Variants in SDK1 observed in about 807,000 individuals in gnomAD.
The protein encoded by SDK1 is sidekick cell adhesion molecule 1.
A neutral mutation model predicts 245.5 loss-of-function variants in SDK1; 157 were observed. The observed-to-expected ratio is 0.64, with a 90% CI of 0.56 to 0.73. The LOEUF (loss-of-function observed/expected upper bound fraction) is 0.73. Ranked by LOEUF, SDK1 falls within the 30% of genes least tolerant of loss-of-function variation. The probability of loss-of-function intolerance (pLI) is 0.00; values close to 1 mark genes in which losing one functional copy is unlikely to be tolerated. For missense variants in SDK1, 3,583 were observed against 3,002.3 expected (o/e 1.19, Z -4.52); for synonymous variants, 1,647 against 1,278.5 (o/e 1.29, Z -6.15).
chr7:4,092,349 A>G (rs916605846), intron 22 of SDK1, among the ~76,000 whole-genome samples: 1 of 152,040 alleles, frequency 6.6e-6, no homozygotes, highest in Non-Finnish European at 1.5e-5. Flanking sequence ...CCTGGTTCTC[A>G]TTCCCCAGCC....
intron 4 of SDK1, among the ~76,000 whole-genome samples, chr7:3,701,963 A>G (rs1235763608): frequency 1.3e-5 from 2 of 149,864 alleles, no homozygotes; most frequent in African/African-American, 2.4e-5. Flanking sequence ...GAAAAATTGT[A>G]TCTTGACCTA....
intron 1 of SDK1, among the ~76,000 whole-genome samples, chr7:3,520,018 C>T (rs1405345839): frequency 6.6e-6 from 1 of 152,098 alleles, no homozygotes; most frequent in Non-Finnish European, 1.5e-5. Flanking sequence ...TTTCATTGAG[C>T]ACATTCTGCA....
At chr7:3,954,184 A>G (rs956809778) in intron 7 of SDK1, among the ~76,000 whole-genome samples, 1 of 149,522 alleles carries the variant, frequency 6.7e-6, no homozygotes, top group Admixed American at 6.6e-5. Flanking sequence ...GCTTCCAGGC[A>G]CCACCCCGCC....
At chr7:3,677,280 C>T (rs111519150) in intron 4 of SDK1, among the ~76,000 whole-genome samples, 352 of 152,176 alleles carry the variant, frequency 2.3e-3, no homozygotes, top group African/African-American at 8.2e-3. Flanking sequence ...GCCCTGGATT[C>T]TTCTTTTTTA....
chr7:3,364,206 C>A (rs758630409), intron 1 of SDK1, among the ~76,000 whole-genome samples: 1 of 152,128 alleles, frequency 6.6e-6, no homozygotes, highest in Non-Finnish European at 1.5e-5. Flanking sequence ...GAACATTTGG[C>A]GTACAAATAT....
intron 22 of SDK1, among the ~76,000 whole-genome samples, chr7:4,080,410 G>A (rs1403852878): frequency 6.6e-6 from 1 of 150,764 alleles, no homozygotes; most frequent in African/African-American, 2.4e-5. Context: ...ATTATGAGGA[G>A]TAGTAAAGTT....
chr7:3,959,143 G>C, intron 8 of SDK1, 129 bp downstream of exon 8: 1 of 758,882 alleles, frequency 1.3e-6, no homozygotes, highest in South Asian at 1.5e-5. Flanking sequence ...ACTTCAGAGA[G>C]TAGATCGGTC....
chr7:3,314,415 C>T (rs996148201), intron 1 of SDK1, among the ~76,000 whole-genome samples: 1 of 152,124 alleles, frequency 6.6e-6, no homozygotes, highest in African/African-American at 2.4e-5. Context: ...TGGATCTTGG[C>T]CAGCAGAGAG....
At chr7:3,610,155 A>G (rs192130652) in intron 1 of SDK1, among the ~76,000 whole-genome samples, 1 of 152,320 alleles carries the variant, frequency 6.6e-6, no homozygotes, top group East Asian at 1.9e-4. Flanking sequence ...TTTCTCATGT[A>G]ATTTCTTGAT....
Position 3,814,274 on chromosome 7 carries a change from T to C in SDK1, c.714-7176T>C, listed in dbSNP as rs1024628171. 2.3e-3 allele frequency among the ~76,000 whole-genome samples: 348 copies of C among 150,952 alleles called. 1 individual carries two copies. The East Asian group carries it at 0.046, about 20-fold the overall frequency. ...TAATGTTTAAATCTTTAATCCATCT[T>C]GAATTGATTTTTGTATAAGGTGTAA... On this transcript the variant is annotated intron_variant, in intron 4 of 44. Transcript: ENST00000404826.
At position 4,173,820 on chromosome 7, in the gene SDK1, G is replaced by GT. The variant is rs149155547; in HGVS notation, c.4801-401dup. ...TGGATGGCCAGGGGAGTGAGGGAGGGTGGGGTCAGCTGGTGGGTGCTTCAG... is the reference window on the plus strand; with the variant it reads ...TGGATGGCCAGGGGAGTGAGGGAGGGTTGGGGTCAGCTGGTGGGTGCTTCAG... On this transcript the variant is annotated intron_variant, in intron 32 of 44. Coordinates refer to ENST00000404826, the MANE Select transcript of SDK1 (RefSeq NM_152744.4). 8.7e-3 allele frequency among the ~76,000 whole-genome samples: 1,327 copies of GT among 152,276 alleles called. 18 individuals carry two copies. The highest frequency in any genetic ancestry group is 0.031 in the African/African-American group (1,276 of 41,556).
intron 2 of SDK1, among the ~76,000 whole-genome samples, chr7:3,628,328 A>G (rs905065664): frequency 1.8e-4 from 28 of 152,042 alleles, no homozygotes; most frequent in Admixed American, 4.6e-4. Context: ...TAGAGTATAT[A>G]TATATGTATA....
intron 1 of SDK1, among the ~76,000 whole-genome samples, chr7:3,467,745 C>T (rs141420980): frequency 6.6e-6 from 1 of 152,078 alleles, no homozygotes; most frequent in Non-Finnish European, 1.5e-5. Context: ...TAAAGGTAAA[C>T]TTAATTTTTT....
chr7:3,601,748 A>G (rs1227400616), intron 1 of SDK1, among the ~76,000 whole-genome samples: 2 of 151,776 alleles, frequency 1.3e-5, no homozygotes, highest in Admixed American at 6.6e-5. Flanking sequence ...ACATATGTAT[A>G]CATGTGCCAT....
intron 4 of SDK1, among the ~76,000 whole-genome samples, chr7:3,672,622 A>C (rs1359274149): frequency 7.1e-6 from 1 of 141,606 alleles, no homozygotes; most frequent in African/African-American, 2.6e-5. Context: ...AATATAATAT[A>C]TAATAATATA....
chr7:3,970,447 C>T (rs1257732369), intron 11 of SDK1, among the ~76,000 whole-genome samples: 2 of 152,150 alleles, frequency 1.3e-5, no homozygotes, highest in Non-Finnish European at 2.9e-5. Flanking sequence ...CTCTGTCAGC[C>T]ACTTCGTTCA....
chr7:3,428,295 A>G (rs1335626287), intron 1 of SDK1, among the ~76,000 whole-genome samples: 3 of 152,208 alleles, frequency 2.0e-5, no homozygotes, highest in Non-Finnish European at 4.4e-5. Flanking sequence ...ATAGTAACTG[A>G]CATTTGAGTC....
chr7:3,781,283 C>G (rs1780727039), intron 4 of SDK1, among the ~76,000 whole-genome samples: 3 of 152,098 alleles, frequency 2.0e-5, no homozygotes, highest in African/African-American at 7.2e-5. Flanking sequence ...GCAATCTCAT[C>G]AAACAGGGAA....
chr7:3,922,096 ACTT>A (rs1779604858), intron 5 of SDK1, among the ~76,000 whole-genome samples: 2 of 152,102 alleles, frequency 1.3e-5, no homozygotes, highest in African/African-American at 4.8e-5. Context: ...TGGTTTGCTT[ACTT>A]CTTTTGCCAT....
Sources: gnomAD v4.1 joint callset for allele counts (sites outside exome capture counted in the v4.1 genomes callset) on GRCh38, gnomAD v4.1.1 for gene constraint, MANE v1.5 for transcripts, NCBI Gene and HGNC (gene_info 2026-07-23, HGNC 2026-07-21) for gene names.